The following METAP1D variants were observed in gnomAD, a reference collection of about 807,000 sequenced individuals.
METAP1D encodes the protein methionine aminopeptidase 1D, mitochondrial.
In METAP1D, 31 loss-of-function variants were observed where a neutral mutation model predicts 40.5. The observed-to-expected ratio is 0.77, with a 90% CI of 0.58 to 1.03. METAP1D has a LOEUF of 1.03. Among genes scored for constraint, METAP1D ranks in the 50% least tolerant of loss-of-function variants. The pLI is 0.00. For missense variants in METAP1D, 411 were observed against 420.7 expected, an observed-to-expected ratio of 0.98 and a Z score of 0.20; for synonymous variants, 151 against 146.4, an observed-to-expected ratio of 1.03 and a Z score of -0.22.
chr2:172,028,091 A>G (rs1689158613), intron 1 of METAP1D, among the ~76,000 whole-genome samples: 2 of 152,172 alleles, frequency 1.3e-5, no homozygotes, highest in Admixed American at 6.5e-5. Flanking sequence ...ACAAACAAAC[A>G]TGATAACTTC....
rs569078597 is a variant in METAP1D at position 172,061,972 on chromosome 2, A to G, written c.198+317A>G. The G allele has an allele frequency of 3.6e-3, 336 of 93,478 alleles. 1 individual carries two copies. Among genetic ancestry groups the G allele is most frequent in the African/African-American group, 0.013 (245 of 18,500 alleles). 5.8% of individuals were successfully genotyped at this position (93,478 alleles called of 1,614,324 possible). ...TGTAGTTTTCTAACTGTTTTAGAGAAAAAAAATTGACTATAAAATTGTGAT... is the reference window on the plus strand; with the variant it reads ...TGTAGTTTTCTAACTGTTTTAGAGAGAAAAAATTGACTATAAAATTGTGAT... On this transcript the variant is annotated intron_variant, in intron 2 of 9. Transcript: ENST00000315796.
intron 6 of METAP1D, chr2:172,072,477 G>A (rs1046776174): frequency 6.7e-4 from 112 of 166,942 alleles, no homozygotes; most frequent in African/African-American, 2.2e-3. Flanking sequence ...TTCCTGTCAC[G>A]GAACAACAAA....
At chr2:172,050,209 T>G (rs949152181) in intron 1 of METAP1D, among the ~76,000 whole-genome samples, 2 of 152,302 alleles carry the variant, frequency 1.3e-5, no homozygotes, top group African/African-American at 4.8e-5. Context: ...CAGTTGACAC[T>G]ATTGTAATAT....
At chr2:172,063,989 A>G (rs901554227) in intron 3 of METAP1D, 129 bp downstream of exon 3, 2 of 1,194,468 alleles carry the variant, frequency 1.7e-6, no homozygotes, top group African/African-American at 3.2e-5. Context: ...GTTTTAAATT[A>G]ATTTGTTTTT....
intron 1 of METAP1D, among the ~76,000 whole-genome samples, chr2:172,028,464 G>C (rs1339343674): frequency 6.6e-6 from 1 of 151,998 alleles, no homozygotes; most frequent in Non-Finnish European, 1.5e-5. Context: ...ACATTGAAGA[G>C]TTTGAAGCAG....
chr2:172,062,518 C>T (rs1444235938), intron 2 of METAP1D, among the ~76,000 whole-genome samples: 1 of 152,198 alleles, frequency 6.6e-6, no homozygotes, highest in African/African-American at 2.4e-5. Flanking sequence ...ATTGCTTTAG[C>T]CATTTCAGTC....
At chr2:172,036,965 G>A (rs1180520881) in intron 1 of METAP1D, among the ~76,000 whole-genome samples, 1 of 152,154 alleles carries the variant, frequency 6.6e-6, no homozygotes, top group African/African-American at 2.4e-5. Context: ...TAATGTTAAA[G>A]TCTAGGTTTT....
At chr2:172,011,346 G>A (rs1046584540) in intron 1 of METAP1D, among the ~76,000 whole-genome samples, 11 of 148,956 alleles carry the variant, frequency 7.4e-5, no homozygotes, top group African/African-American at 1.7e-4. Context: ...GTGCAGTGGC[G>A]CGATCTCGGC....
At chr2:172,023,060 T>C (rs1232557138) in intron 1 of METAP1D, among the ~76,000 whole-genome samples, 1 of 152,150 alleles carries the variant, frequency 6.6e-6, no homozygotes, top group Non-Finnish European at 1.5e-5. Flanking sequence ...TGGTGGCACA[T>C]GCCTGTAATT....
At chr2:172,018,238 A>G (rs1688925881) in intron 1 of METAP1D, among the ~76,000 whole-genome samples, 1 of 152,170 alleles carries the variant, frequency 6.6e-6, no homozygotes, top group Non-Finnish European at 1.5e-5. Flanking sequence ...TCATTTCAGA[A>G]GTCCAAAGTT....
At position 172,043,055 on chromosome 2, in the gene METAP1D, ATG is replaced by A. The variant is rs201513888; in HGVS notation, c.41-18439_41-18438del. Among the ~76,000 whole-genome samples the A allele has an allele frequency of 3.4e-5, 4 of 117,536 alleles. 2 individuals are homozygous for A. In the South Asian group the frequency reaches 1.1e-3, roughly 31 times the overall value. 77.1% of individuals were successfully genotyped at this position (117,536 alleles called of 152,430 possible). ...TATATGTGTACACGTGTACACATATATGTGTATATATATACGTGTGTGTGTAC... is the reference window on the plus strand; with the variant it reads ...TATATGTGTACACGTGTACACATATATGTATATATATACGTGTGTGTGTAC... On this transcript the variant is annotated intron_variant, in intron 1 of 9. Coordinates refer to ENST00000315796, the MANE Select transcript of METAP1D (RefSeq NM_199227.3).
At chr2:172,047,237 T>A (rs1471530751) in intron 1 of METAP1D, among the ~76,000 whole-genome samples, 1 of 151,544 alleles carries the variant, frequency 6.6e-6, no homozygotes, top group Admixed American at 6.5e-5. Context: ...AAACAGGAAT[T>A]TTTATGCAAA....
At position 172,016,296 on chromosome 2, in the gene METAP1D, AAAAAATATAT is replaced by A. The variant is rs1334540898; in HGVS notation, c.40+16289_40+16298del. Among the ~76,000 whole-genome samples the A allele has an allele frequency of 9.2e-5, 6 of 65,324 alleles. No individual in the cohort carries two copies. In the East Asian group the frequency reaches 3.3e-3, roughly 36 times the overall value. 42.9% of individuals were successfully genotyped at this position (65,324 alleles called of 152,430 possible). A position where few individuals can be genotyped will look rare whatever the true frequency, so the allele number is the denominator to read the frequency against. ...GTCTCAAAAAAAAAAAAAAAAAAAA[AAAAAATATAT>A]ATATATATATATATATATATATATA... On this transcript the variant is annotated intron_variant, in intron 1 of 9. Coordinates refer to ENST00000315796, the MANE Select transcript of METAP1D (RefSeq NM_199227.3).
At position 172,079,228 on chromosome 2, in the gene METAP1D, T is replaced by C; in HGVS notation, c.816T>C (p.Asp272=). ...TTTGTTTTGCAGCAAACGACAGTGA[T>C]CTACCCATGGAGGAGGGCATGGCAT... The part of the protein sequence containing the change: ...PEIWHHANDS[D]LPMEEGMAFT... The change falls in exon 8 of 10, where the codon GAT becomes GAC. Residue 272 remains aspartate (D), a synonymous_variant. Transcript: ENST00000315796. 8.7e-6 allele frequency: 14 copies of C among 1,614,062 alleles called. No individual in the cohort carries two copies. Among genetic ancestry groups the C allele is most frequent in the Non-Finnish European group, 1.2e-5 (14 of 1,180,000 alleles).
At chr2:172,039,142 A>G (rs1323114890) in intron 1 of METAP1D, among the ~76,000 whole-genome samples, 1 of 152,208 alleles carries the variant, frequency 6.6e-6, no homozygotes, top group Non-Finnish European at 1.5e-5. Flanking sequence ...TCATAACACA[A>G]AAGTGGGAAT....
chr2:172,013,092 C>A (rs1225436711), intron 1 of METAP1D, among the ~76,000 whole-genome samples: 1 of 152,186 alleles, frequency 6.6e-6, no homozygotes, highest in African/African-American at 2.4e-5. Flanking sequence ...GTGCAGCAGA[C>A]CTTGAACACA....
intron 1 of METAP1D, among the ~76,000 whole-genome samples, chr2:172,010,026 A>G (rs1238160999): frequency 6.6e-6 from 1 of 152,118 alleles, no homozygotes; most frequent in African/African-American, 2.4e-5. Context: ...AGTATCAGTG[A>G]ATTTGGCCAC....
rs938608034 is a variant in METAP1D, at chr2:172,053,456, T to C, written c.41-8042T>C. Reference sequence around the variant, plus strand: ...ATATATTATTAAGCAAATCATTTGGTTTAAAATTAAAATCATCAATGAATG... The same window carrying C: ...ATATATTATTAAGCAAATCATTTGGCTTAAAATTAAAATCATCAATGAATG... On this transcript the variant is annotated intron_variant, in intron 1 of 9. Coordinates refer to ENST00000315796, the MANE Select transcript of METAP1D (RefSeq NM_199227.3). Among the ~76,000 whole-genome samples the C allele has an allele frequency of 2.6e-5, 4 of 152,204 alleles. No homozygotes were observed. The South Asian group carries it at 6.2e-4, about 24-fold the overall frequency.
At chr2:172,059,711 G>C (rs1428873235) in intron 1 of METAP1D, among the ~76,000 whole-genome samples, 1 of 152,196 alleles carries the variant, frequency 6.6e-6, no homozygotes, top group Non-Finnish European at 1.5e-5. Flanking sequence ...TTGAGCTGTA[G>C]TTTTCTGACC....
Sources: gnomAD v4.1 joint callset for allele counts (sites outside exome capture counted in the v4.1 genomes callset) on GRCh38, gnomAD v4.1.1 for gene constraint, MANE v1.5 for transcripts, NCBI Gene and HGNC (gene_info 2026-07-23, HGNC 2026-07-21) for gene names.